The following CACNA2D3 variants were observed in gnomAD, a reference collection of about 807,000 sequenced individuals.
The protein encoded by CACNA2D3 is calcium voltage-gated channel auxiliary subunit alpha2delta 3.
A neutral mutation model predicts 160.6 loss-of-function variants in CACNA2D3; 60 were observed. The observed-to-expected ratio is 0.37, with a 90% CI of 0.30 to 0.46. CACNA2D3 has a LOEUF of 0.46. Ranked by LOEUF, CACNA2D3 falls within the 20% of genes least tolerant of loss-of-function variation. CACNA2D3 has a pLI of 1.00. For synonymous variants in CACNA2D3, 558 were observed against 492.9 expected (o/e 1.13, Z -1.75); for missense variants, 1,205 against 1,365.0 (o/e 0.88, Z 1.85).
chr3:54,217,822 T>G (rs62252194), intron 2 of CACNA2D3, among the ~76,000 whole-genome samples: 5,208 of 152,134 alleles, frequency 0.034, 111 homozygotes, highest in Middle Eastern at 0.088. Context: ...TGTGGTAGTT[T>G]GTTACAGCAG....
At chr3:54,731,228 CTAAG>C (rs72448927) in intron 11 of CACNA2D3, among the ~76,000 whole-genome samples, 2,711 of 152,272 alleles carry the variant, frequency 0.018, 88 homozygotes, top group African/African-American at 0.062. Context: ...CACATTTCCT[CTAAG>C]TAATTAGGAA....
chr3:54,603,753 C>G (rs753061134), intron 9 of CACNA2D3, among the ~76,000 whole-genome samples: 5 of 152,086 alleles, frequency 3.3e-5, no homozygotes, highest in Admixed American at 6.5e-5. Context: ...ACGAAACAAT[C>G]AAGAATATGG....
chr3:55,027,546 A>G (rs1227322895), intron 35 of CACNA2D3, among the ~76,000 whole-genome samples: 2 of 152,162 alleles, frequency 1.3e-5, no homozygotes, highest in Non-Finnish European at 2.9e-5. Context: ...TCTAATTCGC[A>G]TACAAATTTA....
chr3:54,142,005 A>C (rs952844349), intron 2 of CACNA2D3, among the ~76,000 whole-genome samples: 6 of 152,244 alleles, frequency 3.9e-5, no homozygotes, highest in Non-Finnish European at 7.3e-5. Context: ...GTCTCCTTGC[A>C]GTTCCATGAA....
At chr3:54,283,375 G>A (rs1308022797) in intron 2 of CACNA2D3, among the ~76,000 whole-genome samples, 1 of 152,322 alleles carries the variant, frequency 6.6e-6, no homozygotes, top group East Asian at 1.9e-4. Context: ...ATCTCCTGAT[G>A]CTGTGAAATG....
chr3:54,265,693 GGGTA>G (rs1702499360), intron 2 of CACNA2D3, among the ~76,000 whole-genome samples: 1 of 141,456 alleles, frequency 7.1e-6, no homozygotes, highest in Non-Finnish European at 1.6e-5. Context: ...TATATAGTGT[GGGTA>G]TATATAGTGT....
intron 2 of CACNA2D3, among the ~76,000 whole-genome samples, chr3:54,181,513 G>C (rs1443231847): frequency 1.3e-5 from 2 of 152,150 alleles, no homozygotes; most frequent in Non-Finnish European, 2.9e-5. Context: ...ATATTCTTGG[G>C]TTTAAAATGT....
chr3:55,073,673 G>A (rs1704871768), intron 36 of CACNA2D3, 104 bp from the exon 37 acceptor site: 2 of 1,236,756 alleles, frequency 1.6e-6, no homozygotes, highest in African/African-American at 1.5e-5. Flanking sequence ...TTCCACTGTT[G>A]GAGAGAGAGA....
chr3:54,192,035 C>G (rs181950961), intron 2 of CACNA2D3, among the ~76,000 whole-genome samples: 2 of 151,866 alleles, frequency 1.3e-5, no homozygotes, highest in South Asian at 2.1e-4. Flanking sequence ...CTAGCACATT[C>G]ATGGTCTCCC....
In CACNA2D3 at chr3:55,042,197, A is replaced by G. The variant is rs1029608932; in HGVS notation, c.2987+23880A>G. ...GTGTTGTTGAAATCTTCTGTATTCT[A>G]ATTTATTTATGGCTGAAATGTTTGA... On this transcript the variant is annotated intron_variant, in intron 35 of 37. Transcript: ENST00000474759. 6.2e-4 allele frequency among the ~76,000 whole-genome samples: 94 copies of G among 152,126 alleles called. 2 individuals carry two copies. Among genetic ancestry groups the G allele is most frequent in the Admixed American group, 6.1e-3 (93 of 15,254 alleles).
chr3:55,012,129 T>G (rs780064338), intron 34 of CACNA2D3, among the ~76,000 whole-genome samples: 5 of 152,178 alleles, frequency 3.3e-5, no homozygotes, highest in Non-Finnish European at 7.3e-5. Flanking sequence ...GCTTCTTGCC[T>G]GCTGTGAGGT....
chr3:54,618,377 A>ATG (rs1261954509), intron 9 of CACNA2D3, among the ~76,000 whole-genome samples: 2,224 of 121,826 alleles, frequency 0.018, 27 homozygotes, highest in Middle Eastern at 0.048. Context: ...ATATATATGC[A>ATG]CACACACACA....
At chr3:54,693,391 C>T (rs777838568) in intron 11 of CACNA2D3, among the ~76,000 whole-genome samples, 7 of 152,178 alleles carry the variant, frequency 4.6e-5, no homozygotes, top group Admixed American at 1.3e-4. Context: ...ACATTACTCA[C>T]GTGTTTGTGG....
intron 2 of CACNA2D3, among the ~76,000 whole-genome samples, chr3:54,142,505 G>T (rs901183145): frequency 6.6e-6 from 1 of 151,976 alleles, no homozygotes; most frequent in Non-Finnish European, 1.5e-5. Flanking sequence ...AGTATCCGTG[G>T]GCCCTTTCCT....
At chr3:54,521,918 TTA>T (rs1170606918) in intron 5 of CACNA2D3, among the ~76,000 whole-genome samples, 1 of 152,214 alleles carries the variant, frequency 6.6e-6, no homozygotes, top group Admixed American at 6.5e-5. Flanking sequence ...TGATCTATTT[TTA>T]TGCTAGTCCT....
chr3:54,701,691 G>A (rs570393424), intron 11 of CACNA2D3, among the ~76,000 whole-genome samples: 21 of 152,272 alleles, frequency 1.4e-4, no homozygotes, highest in South Asian at 1.0e-3. Flanking sequence ...TATAGATTCA[G>A]TGCCATCCCT....
chr3:54,987,838 A>G, intron 31 of CACNA2D3, 85 bp downstream of exon 31: 6 of 964,264 alleles, frequency 6.2e-6, no homozygotes, highest in Non-Finnish European at 9.1e-6. Flanking sequence ...AAGCAAGCCC[A>G]GACTTGACCC....
chr3:54,827,261 C>T (rs1484799029), intron 14 of CACNA2D3, among the ~76,000 whole-genome samples: 1 of 152,058 alleles, frequency 6.6e-6, no homozygotes, highest in Non-Finnish European at 1.5e-5. Flanking sequence ...GCACTTGCAA[C>T]GTCTTTGTCA....
At chr3:54,742,675 G>A (rs1398185191) in intron 11 of CACNA2D3, among the ~76,000 whole-genome samples, 1 of 152,036 alleles carries the variant, frequency 6.6e-6, no homozygotes, top group East Asian at 1.9e-4. Flanking sequence ...CCATCACATT[G>A]CTATTTTAAG....
Sources: allele counts gnomAD v4.1 joint callset (sites outside exome capture counted in the v4.1 genomes callset), GRCh38; gene constraint gnomAD v4.1.1; transcripts MANE v1.5; gene names NCBI Gene and HGNC (gene_info 2026-07-23, HGNC 2026-07-21).